The following ABCA12 variants were observed in gnomAD, a reference collection of about 807,000 sequenced individuals.
ABCA12 encodes the protein glucosylceramide transporter ABCA12.
In ABCA12, 156 loss-of-function variants were observed where a neutral mutation model predicts 293.5. That is an observed-to-expected ratio of 0.53 (90% CI 0.47 to 0.61). ABCA12 has a LOEUF of 0.61. ABCA12 is among the 20% of genes least tolerant of loss of function. The pLI is 0.00. For synonymous variants in ABCA12, 1,063 were observed against 1,108.0 expected, an observed-to-expected ratio of 0.96 and a Z score of 0.81; for missense variants, 2,797 against 3,090.2, an observed-to-expected ratio of 0.91 and a Z score of 2.25.
intron 4 of ABCA12, among the ~76,000 whole-genome samples, chr2:215,053,078 A>T (rs1360575890): frequency 1.8e-4 from 27 of 152,232 alleles, no homozygotes; most frequent in African/African-American, 6.5e-4. Context: ...TGGTTTCTGA[A>T]TGATATTTTA....
At position 215,122,632 on chromosome 2, in the gene ABCA12, C is replaced by T. The variant is rs1228651084; in HGVS notation, c.70-10942G>A. Among the ~76,000 whole-genome samples the T allele has an allele frequency of 5.3e-5, 8 of 152,184 alleles. No individual in the cohort carries two copies. The East Asian group carries it at 9.6e-4, about 18-fold the overall frequency. On this transcript the variant is annotated intron_variant, in intron 1 of 52. Transcript: ENST00000272895. ...ATCTGAGTGGAAAAGCTAGTTCTAT[C>T]ATCAACTGAGCTACAGTGTGATCCA... is the stretch of plus-strand genomic sequence containing the variant.
At chr2:214,951,929 GAATAC>G (rs965934783) in intron 44 of ABCA12, among the ~76,000 whole-genome samples, 3 of 151,814 alleles carry the variant, frequency 2.0e-5, no homozygotes, top group African/African-American at 4.8e-5. Context: ...TCAATAATAT[GAATAC>G]TATTGTTATT....
chr2:215,010,182 G>T, intron 18 of ABCA12, 149 bp downstream of exon 18: 1 of 1,036,296 alleles, frequency 9.6e-7, no homozygotes, highest in Non-Finnish European at 1.4e-6. Context: ...CAGAAGTTGA[G>T]AATTTTACTA....
At position 215,134,646 on chromosome 2, in the gene ABCA12, C is replaced by G. The variant is rs1167504884; in HGVS notation, c.69+3494G>C. Among the ~76,000 whole-genome samples, 660 of 93,280 alleles carry G rather than the reference C, an allele frequency of 7.1e-3. 65 individuals are homozygous for G. The highest frequency in any genetic ancestry group is 0.03 in the African/African-American group (617 of 20,862). The allele number at this position is 93,280 out of a possible 152,430, so 61.2% of individuals were successfully genotyped here. A position where few individuals can be genotyped will look rare whatever the true frequency, so the allele number is the denominator to read the frequency against. On this transcript the variant is annotated intron_variant, in intron 1 of 52. Coordinates refer to ENST00000272895, the MANE Select transcript of ABCA12 (RefSeq NM_173076.3). ...AGAGAGAGAGAGAGAGAGAGACAAACAGAGAGAGAGAGAGAGAGAGAGACA... is the reference window on the plus strand; with the variant it reads ...AGAGAGAGAGAGAGAGAGAGACAAAGAGAGAGAGAGAGAGAGAGAGAGACA...
intron 35 of ABCA12, 49 bp downstream of exon 35, chr2:214,974,729 T>C (rs1242376060): frequency 6.4e-7 from 1 of 1,568,134 alleles, no homozygotes; most frequent in East Asian, 2.2e-5. Context: ...ATGCACACAC[T>C]CAAACTGGAA....
chr2:215,131,894 A>G (rs1250483221), intron 1 of ABCA12, among the ~76,000 whole-genome samples: 1 of 151,870 alleles, frequency 6.6e-6, no homozygotes, highest in South Asian at 2.1e-4. Flanking sequence ...CTTTTCTCTT[A>G]GCACTGCCTT....
chr2:215,093,130 C>A (rs1046120511), intron 2 of ABCA12, among the ~76,000 whole-genome samples: 1 of 152,158 alleles, frequency 6.6e-6, no homozygotes, highest in Non-Finnish European at 1.5e-5. Flanking sequence ...AAAGGGATAT[C>A]GCATATCCCC....
At position 214,970,267 on chromosome 2, in the gene ABCA12, T is replaced by C. The variant is rs1420569318; in HGVS notation, c.5690+6A>G. 1.2e-6 allele frequency: 2 copies of C among 1,611,124 alleles called. No homozygotes were observed. Among genetic ancestry groups the C allele is most frequent in the Non-Finnish European group, 8.5e-7 (1 of 1,178,702 alleles). The stretch of plus-strand genomic sequence containing the variant: ...AATTAAATATGTTATAAACAGATTA[T>C]TTTACCTTTTTTGGACAAACTCATT... On this transcript the variant is annotated splice_donor_region_variant and intron_variant, in intron 37 of 52. Coordinates refer to ENST00000272895, the MANE Select transcript of ABCA12 (RefSeq NM_173076.3).
intron 1 of ABCA12, among the ~76,000 whole-genome samples, chr2:215,119,195 T>C (rs529631998): frequency 3.1e-4 from 47 of 152,338 alleles, no homozygotes; most frequent in Non-Finnish European, 5.7e-4. Context: ...GGTCTTGAAC[T>C]CTTGACCTCA....
Position 214,932,357 on chromosome 2 carries a change from A to C in ABCA12, c.*277T>G. On this transcript the variant is annotated 3_prime_UTR_variant, in exon 53 of 53. Transcript: ENST00000272895. ...GTAATAAATTAAGATATTCATCTTG[A>C]GGTGGCTTCACCTTTGCATAAGAAT... is the stretch of plus-strand genomic sequence containing the variant. 1 of 384,288 alleles carries C rather than the reference A, an allele frequency of 2.6e-6. No homozygotes were observed. Among genetic ancestry groups the C allele is most frequent in the South Asian group, 3.3e-5 (1 of 30,290 alleles). The allele number at this position is 384,288 out of a possible 1,614,324, so 23.8% of individuals were successfully genotyped here.
chr2:215,099,919 A>G (rs1483955417), intron 2 of ABCA12, among the ~76,000 whole-genome samples: 1 of 152,130 alleles, frequency 6.6e-6, no homozygotes, highest in Non-Finnish European at 1.5e-5. Flanking sequence ...AACTCTTCAC[A>G]GACTTCCAAT....
chr2:214,965,441 C>G (rs1373459193), intron 39 of ABCA12, among the ~76,000 whole-genome samples: 2 of 152,026 alleles, frequency 1.3e-5, no homozygotes, highest in Non-Finnish European at 2.9e-5. Flanking sequence ...TCAGAGTGAA[C>G]AGACAACCTA....
chr2:215,019,363 T>A lies in ABCA12; in HGVS notation c.1630A>T (p.Asn544Tyr). 6.2e-7 allele frequency: 1 copy of A among 1,612,560 alleles called. No homozygotes were observed. Among genetic ancestry groups the A allele is most frequent in the Non-Finnish European group, 8.5e-7 (1 of 1,179,872 alleles). ...PIIEAMLHVNNSADASEKPGQ... is the reference protein window; with the variant it reads ...PIIEAMLHVNYSADASEKPGQ... ...GGCTTTTCAGAAGCATCTGCACTGT[T>A]ATTGACATGCAGCATGGCTTCTATG... The change falls in exon 13 of 53, where the codon AAC becomes TAC. Residue 544 changes from asparagine to tyrosine, a missense_variant. Around this residue, in one of 3 missense-constraint regions of ABCA12, gnomAD observed 656 missense variants for 638.2 expected, o/e 1.03. Transcript: ENST00000272895.
chr2:215,087,203 A>G (rs1345444446), intron 2 of ABCA12, among the ~76,000 whole-genome samples: 3 of 152,118 alleles, frequency 2.0e-5, no homozygotes, highest in Non-Finnish European at 4.4e-5. Context: ...CGGCCTTCCA[A>G]AGTGCTGGGA....
chr2:215,000,564 T>A, intron 22 of ABCA12, 141 bp downstream of exon 22: 1 of 895,262 alleles, frequency 1.1e-6, no homozygotes, highest in Non-Finnish European at 1.8e-6. Flanking sequence ...CCCTATAGTG[T>A]GAACTCTTTC....
intron 3 of ABCA12, among the ~76,000 whole-genome samples, chr2:215,061,145 G>A (rs922611279): frequency 4.6e-5 from 7 of 152,100 alleles, no homozygotes; most frequent in Non-Finnish European, 7.4e-5. Flanking sequence ...TGGATCATCT[G>A]TTGTGCAAAT....
chr2:214,951,692 G>A (rs1312432482), intron 44 of ABCA12, among the ~76,000 whole-genome samples: 1 of 152,190 alleles, frequency 6.6e-6, no homozygotes, highest in African/African-American at 2.4e-5. Flanking sequence ...GGGAGGCAGA[G>A]GTTGCAGTGA....
At position 214,942,970 on chromosome 2, in the gene ABCA12, T is replaced by G; in HGVS notation, c.7391A>C (p.Asn2464Thr). 1 of 1,613,556 alleles carries G rather than the reference T, an allele frequency of 6.2e-7. No homozygotes were observed. The highest frequency in any genetic ancestry group is 8.5e-7 in the Non-Finnish European group (1 of 1,179,804). ...ALCTRLAIMVNGKFQCIGSLQ... is the reference protein window; with the variant it reads ...ALCTRLAIMVTGKFQCIGSLQ... ...AGATCCAATACATTGAAACTTTCCATTCACCATAATGGCCAACCTGGTACA... is the reference window on the plus strand; with the variant it reads ...AGATCCAATACATTGAAACTTTCCAGTCACCATAATGGCCAACCTGGTACA... Residue 2464 changes from asparagine to threonine, a missense_variant, in exon 50 of 53, where the codon AAT becomes ACT. Physicochemically the swap from Asn to Thr is moderately conservative, Grantham distance 65. Around this residue, in one of 3 missense-constraint regions of ABCA12, gnomAD observed 2,130 missense variants for 2,427.0 expected, o/e 0.88. Coordinates refer to ENST00000272895, the MANE Select transcript of ABCA12 (RefSeq NM_173076.3).
intron 39 of ABCA12, among the ~76,000 whole-genome samples, chr2:214,966,377 A>G (rs1438830654): frequency 6.6e-6 from 1 of 152,194 alleles, no homozygotes; most frequent in African/African-American, 2.4e-5. Flanking sequence ...CATCTGGCAC[A>G]TGTACCCCTG....
Sources: allele counts gnomAD v4.1 joint callset (sites outside exome capture counted in the v4.1 genomes callset), GRCh38; gene constraint gnomAD v4.1.1; regional missense constraint gnomAD v4.1.1; transcripts MANE v1.5; gene names NCBI Gene and HGNC (gene_info 2026-07-23, HGNC 2026-07-21).